The following RSC1A1 variants were observed in gnomAD, a reference collection of about 807,000 sequenced individuals.
RSC1A1 encodes regulatory solute carrier protein family 1 member 1.
A neutral mutation model predicts 7.7 loss-of-function variants in RSC1A1; 6 were observed. The observed-to-expected ratio is 0.78, with a 90% CI of 0.43 to 1.53. RSC1A1 has a LOEUF of 1.53. Ranked by LOEUF, RSC1A1 falls within the 40% of genes most tolerant of loss-of-function variation. The probability of loss-of-function intolerance (pLI) is 0.01; values close to 1 mark genes in which losing one functional copy is unlikely to be tolerated. For missense variants in RSC1A1, 729 were observed against 726.3 expected (o/e 1.00, Z -0.04); for synonymous variants, 250 against 263.0 (o/e 0.95, Z 0.48).
Position 15,660,637 on chromosome 1 carries a change from T to A in RSC1A1, c.769T>A (p.Ser257Thr). Reference sequence around the variant, plus strand: ...TATGGAAATCGATACAGCTCAACAGTCCCTAGTTACTTTGCTTAATTCAAC... The same window carrying A: ...TATGGAAATCGATACAGCTCAACAGACCCTAGTTACTTTGCTTAATTCAAC... ...TFMEIDTAQQ[S>T]LVTLLNSTGR... Residue 257 changes from serine (S) to threonine (T), a missense_variant, in exon 1 of 1, where the codon TCC becomes ACC. Ser to Thr is a moderately conservative substitution (Grantham distance 58, BLOSUM62 1). Transcript: ENST00000345034. 3 of 1,614,160 alleles carry A rather than the reference T, an allele frequency of 1.9e-6. No homozygotes were observed. The highest frequency in any genetic ancestry group is 2.5e-6 in the Non-Finnish European group (3 of 1,180,034).
rs777340521 is a variant in RSC1A1 at position 15,660,406 on chromosome 1, C to G, written c.538C>G (p.Gln180Glu). The change falls in exon 1 of 1, where the codon CAA becomes GAA. Residue 180 changes from glutamine (Q) to glutamate (E), a missense_variant. Gln to Glu is a conservative substitution (Grantham distance 29, BLOSUM62 2). Coordinates refer to ENST00000345034, the MANE Select transcript of RSC1A1 (RefSeq NM_006511.3). Reference sequence around the variant, plus strand: ...AGGGAATGAACAGTATGAGGTTGCACAACAAAAAGCTTCACATGACCAAGA... The same window carrying G: ...AGGGAATGAACAGTATGAGGTTGCAGAACAAAAAGCTTCACATGACCAAGA... ...EPGNEQYEVA[Q>E]QKASHDQEYL... 23 of 1,613,792 alleles carry G rather than the reference C, an allele frequency of 1.4e-5. No homozygotes were observed. Among genetic ancestry groups the G allele is most frequent in the Non-Finnish European group, 7.6e-6 (9 of 1,179,946 alleles).
At position 15,661,875 on chromosome 1, in the gene RSC1A1, TC is replaced by T. The variant is rs1370595685; in HGVS notation, c.*154del. The T allele has an allele frequency of 1.1e-5, 12 of 1,101,312 alleles. No individual in the cohort carries two copies. The highest frequency in any genetic ancestry group is 3.3e-4 in the Middle Eastern group (1 of 3,070). 68.2% of individuals were successfully genotyped at this position (1,101,312 alleles called of 1,614,324 possible). ...GCCAGATTTTTTTTAAAGATTTTTT[TC>T]GGCCAAAGTAATTTATGATCTTTTG... On this transcript the variant is annotated 3_prime_UTR_variant, in exon 1 of 1. Coordinates refer to ENST00000345034, the MANE Select transcript of RSC1A1 (RefSeq NM_006511.3).
rs1290203660 is a variant in RSC1A1, at chr1:15,661,782, A to G, written c.*60A>G. On this transcript the variant is annotated 3_prime_UTR_variant, in exon 1 of 1. Coordinates refer to ENST00000345034, the MANE Select transcript of RSC1A1 (RefSeq NM_006511.3). ...CTTTAAACAAAAGAAAGCTCTCTCT[A>G]TATACACGCACACATACACACTCAC... 7 of 1,523,718 alleles carry G rather than the reference A, an allele frequency of 4.6e-6. No homozygotes were observed. The highest frequency in any genetic ancestry group is 2.6e-5 in the South Asian group (2 of 75,800). 94.4% of individuals were successfully genotyped at this position (1,523,718 alleles called of 1,614,324 possible).
rs146117433 is a variant in RSC1A1, at chr1:15,659,962, T to C, written c.94T>C (p.Ser32Pro). Residue 32 changes from serine to proline, a missense_variant, in exon 1 of 1, where the codon TCT becomes CCT. Ser to Pro is a moderately conservative substitution (Grantham distance 74). Transcript: ENST00000345034. ...DVGNPMSLAR[S>P]VSASVCPIKP... Reference sequence around the variant, plus strand: ...TGGTAATCCTATGAGTCTTGCTCGCTCTGTCTCTGCTTCAGTCTGCCCTAT... The same window carrying C: ...TGGTAATCCTATGAGTCTTGCTCGCCCTGTCTCTGCTTCAGTCTGCCCTAT... 3.7e-6 allele frequency: 6 copies of C among 1,614,220 alleles called. No individual in the cohort carries two copies. In the African/African-American group the frequency reaches 6.7e-5, roughly 18 times the overall value.
Position 15,660,078 on chromosome 1 carries a change from A to G in RSC1A1, c.210A>G (p.Glu70=), listed in dbSNP as rs752904715. Residue 70 remains glutamate, a synonymous_variant, in exon 1 of 1, where the codon GAA becomes GAG. Coordinates refer to ENST00000345034, the MANE Select transcript of RSC1A1 (RefSeq NM_006511.3). ...AEFQLNSEKK[E]HLSLQDLSDH... Reference sequence around the variant, plus strand: ...TCCAGCTAAACTCTGAAAAGAAAGAACATCTTTCTTTACAAGATCTTTCTG... The same window carrying G: ...TCCAGCTAAACTCTGAAAAGAAAGAGCATCTTTCTTTACAAGATCTTTCTG... 43 of 1,613,822 alleles carry G rather than the reference A, an allele frequency of 2.7e-5. No individual in the cohort carries two copies. Among genetic ancestry groups the G allele is most frequent in the Non-Finnish European group, 3.5e-5 (41 of 1,179,952 alleles).
rs1640345849 is a variant in RSC1A1 at position 15,660,292 on chromosome 1, G to A, written c.424G>A (p.Glu142Lys). The change falls in exon 1 of 1, where the codon GAA becomes AAA. Residue 142 changes from glutamate to lysine, a missense_variant. Glu to Lys is a moderately conservative substitution (Grantham distance 56). Coordinates refer to ENST00000345034, the MANE Select transcript of RSC1A1 (RefSeq NM_006511.3). ...SLSVTSTRMH[E>K]PQMFLGEKDW... The stretch of plus-strand genomic sequence containing the variant: ...ATCTGTCACATCTACTAGGATGCAT[G>A]AACCACAGATGTTTCTAGGTGAAAA... The A allele has an allele frequency of 6.2e-7, 1 of 1,614,058 alleles. No homozygotes were observed. Among genetic ancestry groups the A allele is most frequent in the African/African-American group, 1.3e-5 (1 of 74,926 alleles).
Position 15,660,769 on chromosome 1 carries a change from T to C in RSC1A1, c.901T>C (p.Leu301=). 6.2e-7 allele frequency: 1 copy of C among 1,613,942 alleles called. No homozygotes were observed. The highest frequency in any genetic ancestry group is 8.5e-7 in the Non-Finnish European group (1 of 1,179,996). Residue 301 remains leucine, a synonymous_variant, in exon 1 of 1, where the codon TTG becomes CTG. Coordinates refer to ENST00000345034, the MANE Select transcript of RSC1A1 (RefSeq NM_006511.3). ...TSKCNPSSEI[L]NDSISTQDLQ... ...AAAATGTAACCCTTCATCTGAAATTTTGAATGATTCCATTTCCACTCAGGA... is the reference window on the plus strand; with the variant it reads ...AAAATGTAACCCTTCATCTGAAATTCTGAATGATTCCATTTCCACTCAGGA...
At position 15,660,609 on chromosome 1, in the gene RSC1A1, A is replaced by G; in HGVS notation, c.741A>G (p.Thr247=). Residue 247 remains threonine, a synonymous_variant, in exon 1 of 1, where the codon ACA becomes ACG. Coordinates refer to ENST00000345034, the MANE Select transcript of RSC1A1 (RefSeq NM_006511.3). ...GCAGTGGCTGCTCAAATTCAGAAAC[A>G]TTTATGGAAATCGATACAGCTCAAC... The part of the protein sequence containing the change: ...SECSGCSNSE[T]FMEIDTAQQS... 2.5e-6 allele frequency: 4 copies of G among 1,614,106 alleles called. No homozygotes were observed. The highest frequency in any genetic ancestry group is 3.4e-6 in the Non-Finnish European group (4 of 1,180,010).
chr1:15,660,039 G>A lies in RSC1A1; in HGVS notation c.171G>A (p.Lys57=), dbSNP rs762537226. ...RIEPKAVKAL[K]ASAEFQLNSE... is the part of the protein sequence containing the mutation. ...AACCTAAAGCTGTGAAGGCTTTGAA[G>A]GCTTCAGCTGAATTCCAGCTAAACT... The change falls in exon 1 of 1, where the codon AAG becomes AAA. Residue 57 remains lysine (K), a synonymous_variant. Transcript: ENST00000345034. 1 of 1,614,024 alleles carries A rather than the reference G, an allele frequency of 6.2e-7. No individual in the cohort carries two copies. Among genetic ancestry groups the A allele is most frequent in the East Asian group, 2.2e-5 (1 of 44,884 alleles).
Position 15,661,675 on chromosome 1 carries a change from C to T in RSC1A1, c.1807C>T (p.Leu603Phe). ...GCATCGAGTTGGTGGGAATGCAGAC[C>T]TTGCACTTCTTGTTTTGCTCGCAAA... is the stretch of plus-strand genomic sequence containing the variant. ...ALHRVGGNAD[L>F]ALLVLLAKNI... The change falls in exon 1 of 1, where the codon CTT (leucine) becomes TTT (phenylalanine). Residue 603 changes from leucine (L) to phenylalanine (F), a missense_variant. Transcript: ENST00000345034. 6.2e-7 allele frequency: 1 copy of T among 1,613,512 alleles called. No individual in the cohort carries two copies. Among genetic ancestry groups the T allele is most frequent in the Non-Finnish European group, 8.5e-7 (1 of 1,179,628 alleles).
chr1:15,661,427 T>C lies in RSC1A1; in HGVS notation c.1559T>C (p.Leu520Ser). 1 of 1,614,188 alleles carries C rather than the reference T, an allele frequency of 6.2e-7. No individual in the cohort carries two copies. Among genetic ancestry groups the C allele is most frequent in the Non-Finnish European group, 8.5e-7 (1 of 1,180,030 alleles). ...QTKSLSSNFILVKDLGQGIQN... is the reference protein window; with the variant it reads ...QTKSLSSNFISVKDLGQGIQN... Reference sequence around the variant, plus strand: ...AAGTCTTTGTCATCCAATTTCATATTGGTTAAAGACTTAGGTCAGGGCATA... The same window carrying C: ...AAGTCTTTGTCATCCAATTTCATATCGGTTAAAGACTTAGGTCAGGGCATA... The change falls in exon 1 of 1, where the codon TTG (leucine) becomes TCG (serine). Residue 520 changes from leucine to serine, a missense_variant. Physicochemically the swap from Leu to Ser is moderately radical, Grantham distance 145 (BLOSUM62 -2). Coordinates refer to ENST00000345034, the MANE Select transcript of RSC1A1 (RefSeq NM_006511.3).
rs1238987132 is a variant in RSC1A1, at chr1:15,660,281, C to T, written c.413C>T (p.Thr138Ile). Residue 138 changes from threonine to isoleucine, a missense_variant, in exon 1 of 1, where the codon ACT becomes ATT. Thr to Ile is a moderately conservative substitution (Grantham distance 89). Transcript: ENST00000345034. Reference protein sequence around the residue: ...RQEASLSVTSTRMHEPQMFLG... With the variant: ...RQEASLSVTSIRMHEPQMFLG... ...GAAGCTAGTTTATCTGTCACATCTA[C>T]TAGGATGCATGAACCACAGATGTTT... The T allele has an allele frequency of 1.2e-6, 2 of 1,614,176 alleles. No homozygotes were observed. Among genetic ancestry groups the T allele is most frequent in the Non-Finnish European group, 1.7e-6 (2 of 1,180,034 alleles).
Position 15,661,885 on chromosome 1 carries a change from T to A in RSC1A1, c.*163T>A. 1 of 1,001,462 alleles carries A rather than the reference T, an allele frequency of 1.0e-6. No homozygotes were observed. The highest frequency in any genetic ancestry group is 1.4e-6 in the Non-Finnish European group (1 of 737,648). 62.0% of individuals were successfully genotyped at this position (1,001,462 alleles called of 1,614,324 possible). A position where few individuals can be genotyped will look rare whatever the true frequency, so the allele number is the denominator to read the frequency against. ...TTTTAAAGATTTTTTTCGGCCAAAGTAATTTATGATCTTTTGTCTGATGAA... is the reference window on the plus strand; with the variant it reads ...TTTTAAAGATTTTTTTCGGCCAAAGAAATTTATGATCTTTTGTCTGATGAA... On this transcript the variant is annotated 3_prime_UTR_variant, in exon 1 of 1. Transcript: ENST00000345034.
Position 15,661,764 on chromosome 1 carries a change from CAA to C in RSC1A1, c.*45_*46del, listed in dbSNP as rs777854198. The C allele has an allele frequency of 4.9e-5, 76 of 1,548,870 alleles. No individual in the cohort carries two copies. Among genetic ancestry groups the C allele is most frequent in the Non-Finnish European group, 6.0e-5 (69 of 1,149,596 alleles). Reference sequence around the variant, plus strand: ...TAGACCGTTCTCCATTCCCTTTAAACAAAAGAAAGCTCTCTCTATATACACGC... The same window carrying C: ...TAGACCGTTCTCCATTCCCTTTAAACAAGAAAGCTCTCTCTATATACACGC... On this transcript the variant is annotated 3_prime_UTR_variant, in exon 1 of 1. Transcript: ENST00000345034.
rs762605820 is a variant in RSC1A1 at position 15,660,123 on chromosome 1, C to T, written c.255C>T (p.Asp85=). 1 of 1,614,194 alleles carries T rather than the reference C, an allele frequency of 6.2e-7. No individual in the cohort carries two copies. The highest frequency in any genetic ancestry group is 1.1e-5 in the South Asian group (1 of 91,080). Reference sequence around the variant, plus strand: ...TTTCTGATCATGCTTCCTCAGCAGACCATGCTCCAACAGACCAGAGTCCAG... The same window carrying T: ...TTTCTGATCATGCTTCCTCAGCAGATCATGCTCCAACAGACCAGAGTCCAG... The part of the protein sequence containing the change: ...QDLSDHASSA[D]HAPTDQSPAM... The change falls in exon 1 of 1, where the codon GAC becomes GAT. Residue 85 remains aspartate, a synonymous_variant. Coordinates refer to ENST00000345034, the MANE Select transcript of RSC1A1 (RefSeq NM_006511.3).
At position 15,659,990 on chromosome 1, in the gene RSC1A1, A is replaced by T. The variant is rs772138974; in HGVS notation, c.122A>T (p.Lys41Met). 6.2e-7 allele frequency: 1 copy of T among 1,614,206 alleles called. No individual in the cohort carries two copies. Among genetic ancestry groups the T allele is most frequent in the Admixed American group, 1.7e-5 (1 of 60,026 alleles). Residue 41 changes from lysine (K) to methionine (M), a missense_variant, in exon 1 of 1, where the codon AAG becomes ATG. Transcript: ENST00000345034. The stretch of plus-strand genomic sequence containing the variant: ...GTCTCTGCTTCAGTCTGCCCTATCA[A>T]GCCCAGTGACTCAGATCGCATTGAA... ...RSVSASVCPI[K>M]PSDSDRIEPK...
At chr1:15,661,099 TGTCCACAA>T in the RSC1A1 span, 1 of 1,613,836 alleles carries the variant, frequency 6.2e-7, no homozygotes, top group East Asian at 2.2e-5. Context: ...GAATGAACAG[TGTCCACAA>T]GTCTCCTTTC....
In RSC1A1 at chr1:15,661,443, T is replaced by C. The variant is rs1211222851; in HGVS notation, c.1575T>C (p.Gly525=). The C allele has an allele frequency of 3.1e-6, 5 of 1,613,960 alleles. No homozygotes were observed. The highest frequency in any genetic ancestry group is 4.2e-6 in the Non-Finnish European group (5 of 1,180,018). Residue 525 remains glycine (G), a synonymous_variant, in exon 1 of 1, where the codon GGT becomes GGC. Transcript: ENST00000345034. ...ATTTCATATTGGTTAAAGACTTAGGTCAGGGCATACAGAATTCAGTAACAG... is the reference window on the plus strand; with the variant it reads ...ATTTCATATTGGTTAAAGACTTAGGCCAGGGCATACAGAATTCAGTAACAG... ...SSNFILVKDL[G]QGIQNSVTDR...
At position 15,660,739 on chromosome 1, in the gene RSC1A1, A is replaced by G. The variant is rs115451047; in HGVS notation, c.871A>G (p.Thr291Ala). ...TLDNPLMEVE[T>A]SKCNPSSEIL... is the part of the protein sequence containing the mutation. ...AGATAATCCCTTGATGGAAGTAGAA[A>G]CATCAAAATGTAACCCTTCATCTGA... The change falls in exon 1 of 1, where the codon ACA becomes GCA. Residue 291 changes from threonine (T) to alanine (A), a missense_variant. Physicochemically the swap from Thr to Ala is moderately conservative, Grantham distance 58 (BLOSUM62 0). Transcript: ENST00000345034. 3,165 of 1,613,890 alleles carry G rather than the reference A, an allele frequency of 2.0e-3. 4 individuals are homozygous for G. The highest frequency in any genetic ancestry group is 2.3e-3 in the Non-Finnish European group (2,686 of 1,179,962).
Sources: allele counts gnomAD v4.1 joint callset, GRCh38; gene constraint gnomAD v4.1.1; transcripts MANE v1.5; gene names NCBI Gene and HGNC (gene_info 2026-07-23, HGNC 2026-07-21).